MPZL1: variants seen among roughly 807,000 people sequenced by gnomAD.
The protein encoded by MPZL1 is myelin protein zero-like protein 1.
Under a neutral mutation model 29.3 loss-of-function variants are expected in MPZL1, and 16 were observed. The observed-to-expected ratio is 0.55, with a 90% CI of 0.37 to 0.83. The LOEUF is 0.83. MPZL1 is among the 40% of genes least tolerant of loss of function. MPZL1 has a pLI of 0.00. For synonymous variants in MPZL1, 143 were observed against 132.0 expected, an observed-to-expected ratio of 1.08 and a Z score of -0.57; for missense variants, 279 against 332.9, an observed-to-expected ratio of 0.84 and a Z score of 1.26.
Position 167,760,747 on chromosome 1 carries a change from C to CTGTGTGTG in MPZL1, c.92-4796_92-4789dup, listed in dbSNP as rs58963124. On this transcript the variant is annotated intron_variant, in intron 1 of 5. Transcript: ENST00000359523. Reference sequence around the variant, plus strand: ...TTACATCCAAGCAAAGTTGAATAGGCTGTGTGTGTGTGTGTGTGTGTGTGT... The same window carrying CTGTGTGTG: ...TTACATCCAAGCAAAGTTGAATAGGCTGTGTGTGTGTGTGTGTGTGTGTGTGTGTGTGT... Among the ~76,000 whole-genome samples the CTGTGTGTG allele has an allele frequency of 7.4e-3, 890 of 120,166 alleles. 7 individuals are homozygous for CTGTGTGTG. Among genetic ancestry groups the CTGTGTGTG allele is most frequent in the Non-Finnish European group, 0.01 (572 of 56,096 alleles). The allele number at this position is 120,166 out of a possible 152,430, so 78.8% of individuals were successfully genotyped here.
chr1:167,728,439 C>T (rs1386898381), intron 1 of MPZL1, among the ~76,000 whole-genome samples: 2 of 146,732 alleles, frequency 1.4e-5, no homozygotes, highest in African/African-American at 5.2e-5. Flanking sequence ...AACTCCTGAC[C>T]TCAGGTGATC....
chr1:167,751,725 A>G (rs1660764773), intron 1 of MPZL1, among the ~76,000 whole-genome samples: 1 of 152,122 alleles, frequency 6.6e-6, no homozygotes, highest in South Asian at 2.1e-4. Flanking sequence ...AGTTTTTAAA[A>G]ATATCCCTCA....
At chr1:167,748,622 G>A (rs946700032) in intron 1 of MPZL1, among the ~76,000 whole-genome samples, 1 of 151,922 alleles carries the variant, frequency 6.6e-6, no homozygotes, top group African/African-American at 2.4e-5. Flanking sequence ...TAAATTTTGG[G>A]TAAGTCCAAT....
chr1:167,735,502 G>C (rs1421999983), intron 1 of MPZL1, among the ~76,000 whole-genome samples: 1 of 152,166 alleles, frequency 6.6e-6, no homozygotes, highest in Non-Finnish European at 1.5e-5. Context: ...GCATGTGTGT[G>C]TGTGTGCACT....
intron 5 of MPZL1, among the ~76,000 whole-genome samples, chr1:167,779,826 C>A (rs774463650): frequency 6.6e-6 from 1 of 152,090 alleles, no homozygotes; most frequent in Non-Finnish European, 1.5e-5. Flanking sequence ...GAGATAGATA[C>A]AGCTAACAAG....
intron 1 of MPZL1, among the ~76,000 whole-genome samples, chr1:167,753,494 A>C (rs1660799242): frequency 6.6e-6 from 1 of 152,242 alleles, no homozygotes; most frequent in Non-Finnish European, 1.5e-5. Flanking sequence ...ATATCTCGAA[A>C]GTACCCATGG....
In MPZL1 at chr1:167,787,884, CAG is replaced by C; in HGVS notation, c.776_777del (p.Glu259ValfsTer65). 6.2e-7 allele frequency: 1 copy of C among 1,613,696 alleles called. No homozygotes were observed. Among genetic ancestry groups the C allele is most frequent in the African/African-American group, 1.3e-5 (1 of 75,024 alleles). ...CATCACAGTGACAAGATTAACAAGTCAGAGTCTGTGGTGTATGCGGATATCCG... is the reference window on the plus strand; with the variant it reads ...CATCACAGTGACAAGATTAACAAGTCAGTCTGTGGTGTATGCGGATATCCG... On this transcript the variant is annotated frameshift_variant, in exon 6 of 6. Coordinates refer to ENST00000359523, the MANE Select transcript of MPZL1 (RefSeq NM_003953.6). LOFTEE classifies it high-confidence loss of function.
chr1:167,728,143 G>A (rs2101745433), intron 1 of MPZL1, among the ~76,000 whole-genome samples: 1 of 150,194 alleles, frequency 6.7e-6, no homozygotes, highest in South Asian at 2.1e-4. Flanking sequence ...ACGTTCAAGC[G>A]ATTCTTCTGC....
intron 5 of MPZL1, among the ~76,000 whole-genome samples, chr1:167,786,092 C>T (rs867237470): frequency 6.6e-6 from 1 of 152,142 alleles, no homozygotes. Flanking sequence ...CACACCCGGC[C>T]GAAAACAGTC....
chr1:167,750,698 T>C (rs910765709), intron 1 of MPZL1, among the ~76,000 whole-genome samples: 1 of 152,192 alleles, frequency 6.6e-6, no homozygotes, highest in Non-Finnish European at 1.5e-5. Context: ...AGTGTAATTA[T>C]CAAAATTAGG....
At chr1:167,785,816 G>T (rs1008770439) in intron 5 of MPZL1, among the ~76,000 whole-genome samples, 4 of 151,660 alleles carry the variant, frequency 2.6e-5, no homozygotes, top group African/African-American at 7.3e-5. Flanking sequence ...TTTTTGAGAC[G>T]GAGTCTCGCT....
In MPZL1 at chr1:167,757,021, T is replaced by C. The variant is rs117564731; in HGVS notation, c.92-8562T>C. Reference sequence around the variant, plus strand: ...TGCAGAAGAGTGTGTTCCTGACTAATGAAAAGCTTAGTTTATTAATACTTA... The same window carrying C: ...TGCAGAAGAGTGTGTTCCTGACTAACGAAAAGCTTAGTTTATTAATACTTA... On this transcript the variant is annotated intron_variant, in intron 1 of 5. Coordinates refer to ENST00000359523, the MANE Select transcript of MPZL1 (RefSeq NM_003953.6). Among the ~76,000 whole-genome samples, 27 of 152,320 alleles carry C rather than the reference T, an allele frequency of 1.8e-4. No individual in the cohort carries two copies. In the East Asian group the frequency reaches 5.2e-3, roughly 29 times the overall value.
intron 1 of MPZL1, among the ~76,000 whole-genome samples, chr1:167,728,354 CTTTCTTTCT>C (rs1256035112): frequency 9.2e-5 from 11 of 119,174 alleles, no homozygotes; most frequent in Non-Finnish European, 1.5e-4. Flanking sequence ...TTTTTTCTTT[CTTTCTTTCT>C]TTTTTTTTTT....
chr1:167,731,014 T>C (rs1660253069), intron 1 of MPZL1, among the ~76,000 whole-genome samples: 1 of 152,206 alleles, frequency 6.6e-6, no homozygotes, highest in African/African-American at 2.4e-5. Flanking sequence ...TTTTCTTCAG[T>C]GACTGCAAAT....
intron 2 of MPZL1, among the ~76,000 whole-genome samples, chr1:167,771,827 C>A (rs1391952645): frequency 6.6e-6 from 1 of 152,084 alleles, no homozygotes; most frequent in Non-Finnish European, 1.5e-5. Flanking sequence ...GCACTCCAGC[C>A]TGGGCAGCAT....
chr1:167,785,015 T>A (rs920262565), intron 5 of MPZL1, among the ~76,000 whole-genome samples: 1 of 152,268 alleles, frequency 6.6e-6, no homozygotes, highest in Non-Finnish European at 1.5e-5. Flanking sequence ...TTCTTTTTCC[T>A]CTTTACTTTC....
At chr1:167,736,750 C>A (rs930311063) in intron 1 of MPZL1, among the ~76,000 whole-genome samples, 3 of 152,170 alleles carry the variant, frequency 2.0e-5, no homozygotes, top group Non-Finnish European at 2.9e-5. Flanking sequence ...AGGCTTGAGA[C>A]TCCTAGATCG....
chr1:167,785,487 A>C (rs1661573726), intron 5 of MPZL1, among the ~76,000 whole-genome samples: 1 of 152,246 alleles, frequency 6.6e-6, no homozygotes, highest in Non-Finnish European at 1.5e-5. Context: ...TCACAAGATC[A>C]GCCCAGATTC....
chr1:167,762,436 G>A (rs1661008454), intron 1 of MPZL1, among the ~76,000 whole-genome samples: 2 of 152,224 alleles, frequency 1.3e-5, no homozygotes. Flanking sequence ...CAGCCACGTG[G>A]CGGAAGAAGA....
Sources: gnomAD v4.1 joint callset for allele counts (sites outside exome capture counted in the v4.1 genomes callset) on GRCh38, gnomAD v4.1.1 for gene constraint, MANE v1.5 for transcripts, NCBI Gene and HGNC (gene_info 2026-07-23, HGNC 2026-07-21) for gene names.